Variants in ST3GAL3 observed in about 807,000 individuals in gnomAD.
ST3GAL3 encodes ST3 beta-galactoside alpha-2,3-sialyltransferase 3, also known as CMP-N-acetylneuraminate-beta-1,4-galactoside alpha-2,3-sialyltransferase.
ST3GAL3 carries 21 observed loss-of-function variants against 50.1 expected under a neutral mutation model. The observed-to-expected ratio is 0.42, with a 90% confidence interval of 0.30 to 0.60. The LOEUF is 0.60. Ranked by LOEUF, ST3GAL3 falls within the 20% of genes least tolerant of loss-of-function variation. The pLI is 0.19. For synonymous variants in ST3GAL3, 183 were observed against 190.0 expected, an observed-to-expected ratio of 0.96 and a Z score of 0.30; for missense variants, 353 against 489.4, an observed-to-expected ratio of 0.72 and a Z score of 2.63.
At chr1:43,892,268 T>A (rs544290325) in intron 5 of ST3GAL3, among the ~76,000 whole-genome samples, 28 of 152,236 alleles carry the variant, frequency 1.8e-4, no homozygotes, top group Admixed American at 6.5e-4. Context: ...TCAATAATTT[T>A]TTTTTTTGAG....
chr1:43,816,377 A>C (rs2061251968), intron 4 of ST3GAL3, among the ~76,000 whole-genome samples: 1 of 152,156 alleles, frequency 6.6e-6, no homozygotes, highest in South Asian at 2.1e-4. Flanking sequence ...ATGAAGGAAA[A>C]AGTGTGTGTT....
chr1:43,847,981 G>A (rs561712818), intron 5 of ST3GAL3, among the ~76,000 whole-genome samples: 202 of 152,192 alleles, frequency 1.3e-3, no homozygotes, highest in African/African-American at 4.4e-3. Flanking sequence ...CGATGACTGC[G>A]AAGTCTTTCA....
intron 5 of ST3GAL3, chr1:43,851,549 C>T: frequency 1.3e-6 from 2 of 1,585,752 alleles, no homozygotes; most frequent in Non-Finnish European, 8.7e-7. Context: ...AGCCTAGGGC[C>T]TCCAAAACTG....
In ST3GAL3 at chr1:43,776,625, A is replaced by G. The variant is rs1020048219; in HGVS notation, c.119-15477A>G. Among the ~76,000 whole-genome samples the G allele has an allele frequency of 2.6e-5, 4 of 152,104 alleles. No individual in the cohort carries two copies. The South Asian group carries it at 8.3e-4, about 32-fold the overall frequency. ...TTGCTGAGTCACATGGTAACTCTAT[A>G]CTTAACTTACTGAGGAACTGCCAGA... On this transcript the variant is annotated intron_variant, in intron 2 of 11. Transcript: ENST00000347631.
chr1:43,911,690 GA>G (rs1161279359), intron 9 of ST3GAL3, among the ~76,000 whole-genome samples: 1 of 146,940 alleles, frequency 6.8e-6, no homozygotes, highest in Non-Finnish European at 1.5e-5. Flanking sequence ...TATAGATATG[GA>G]TTTTTTTTTT....
intron 5 of ST3GAL3, among the ~76,000 whole-genome samples, chr1:43,871,187 G>A (rs2072614435): frequency 6.6e-6 from 1 of 152,204 alleles, no homozygotes. Context: ...TCCTACATGT[G>A]GGACAACAGC....
intron 2 of ST3GAL3, among the ~76,000 whole-genome samples, chr1:43,756,116 A>AAAAAAAAAAAAAAAAG (rs763780680): frequency 2.2e-5 from 3 of 136,812 alleles, no homozygotes; most frequent in African/African-American, 5.2e-5. Context: ...AAAAAAAAAA[A>AAAAAAAAAAAAAAAAG]AAGAAGAAGA....
At chr1:43,803,291 C>G (rs1394500712) in intron 3 of ST3GAL3, among the ~76,000 whole-genome samples, 1 of 151,774 alleles carries the variant, frequency 6.6e-6, no homozygotes, top group Non-Finnish European at 1.5e-5. Flanking sequence ...ACCTAGAGTC[C>G]CAGTTACTCG....
At chr1:43,763,358 T>C (rs1475553617) in intron 2 of ST3GAL3, among the ~76,000 whole-genome samples, 1 of 152,242 alleles carries the variant, frequency 6.6e-6, no homozygotes, top group Admixed American at 6.5e-5. Flanking sequence ...CTGGTTGTTA[T>C]ATTCCTTACA....
chr1:43,926,482 G>A (rs1460451283), intron 11 of ST3GAL3, among the ~76,000 whole-genome samples: 13 of 152,068 alleles, frequency 8.5e-5, no homozygotes, highest in African/African-American at 2.9e-4. Flanking sequence ...CCAGCTACTC[G>A]GGAGGCTGGG....
At chr1:43,902,888 C>T (rs2078526711) in intron 9 of ST3GAL3, among the ~76,000 whole-genome samples, 1 of 152,192 alleles carries the variant, frequency 6.6e-6, no homozygotes, top group South Asian at 2.1e-4. Context: ...GAATTAAGCA[C>T]TATTCCCAAC....
chr1:43,731,518 G>T (rs1419821488), intron 1 of ST3GAL3, among the ~76,000 whole-genome samples: 1 of 150,408 alleles, frequency 6.6e-6, no homozygotes, highest in Non-Finnish European at 1.5e-5. Flanking sequence ...CCGAGTAGCT[G>T]GGGCTACAGG....
At chr1:43,902,012 CCTT>C (rs2078361188) in intron 9 of ST3GAL3, among the ~76,000 whole-genome samples, 1 of 152,222 alleles carries the variant, frequency 6.6e-6, no homozygotes, top group African/African-American at 2.4e-5. Context: ...TCTTTAGTGT[CCTT>C]CTCCACCCCA....
intron 11 of ST3GAL3, among the ~76,000 whole-genome samples, chr1:43,927,610 C>G (rs887867764): frequency 2.6e-5 from 4 of 152,258 alleles, no homozygotes; most frequent in Non-Finnish European, 5.9e-5. Context: ...TGTCTTTCCT[C>G]CAAGTCTCTG....
intron 4 of ST3GAL3, among the ~76,000 whole-genome samples, chr1:43,830,674 T>A (rs2063424297): frequency 6.6e-6 from 1 of 152,194 alleles, no homozygotes; most frequent in Admixed American, 6.5e-5. Context: ...TTTTATGAGA[T>A]ATAGCCCTTC....
intron 5 of ST3GAL3, among the ~76,000 whole-genome samples, chr1:43,867,347 CAAG>C (rs978949065): frequency 3.3e-5 from 5 of 152,146 alleles, no homozygotes; most frequent in Non-Finnish European, 5.9e-5. Context: ...GTAGAGAACC[CAAG>C]AAGAAGATCA....
chr1:43,748,309 A>G (rs1684671055), intron 2 of ST3GAL3, among the ~76,000 whole-genome samples: 1 of 152,188 alleles, frequency 6.6e-6, no homozygotes, highest in Non-Finnish European at 1.5e-5. Flanking sequence ...GAAAACTATA[A>G]AAATACTGCT....
intron 2 of ST3GAL3, among the ~76,000 whole-genome samples, chr1:43,748,835 T>C (rs1684918759): frequency 6.6e-6 from 1 of 151,858 alleles, no homozygotes; most frequent in African/African-American, 2.4e-5. Context: ...AAGATTGATC[T>C]ATAGATTCAT....
chr1:43,927,739 A>G (rs1203653163), intron 11 of ST3GAL3, among the ~76,000 whole-genome samples: 1 of 152,192 alleles, frequency 6.6e-6, no homozygotes, highest in Non-Finnish European at 1.5e-5. Flanking sequence ...AAGAATGGGG[A>G]TGAGTCGCCC....
Sources: gnomAD v4.1 joint callset for allele counts (sites outside exome capture counted in the v4.1 genomes callset) on GRCh38, gnomAD v4.1.1 for gene constraint, MANE v1.5 for transcripts, NCBI Gene and HGNC (gene_info 2026-07-23, HGNC 2026-07-21) for gene names.